AGAP1: variants seen among roughly 807,000 people sequenced by gnomAD.
AGAP1 encodes ArfGAP with GTPase domain, ankyrin repeat and PH domain 1.
A neutral mutation model predicts 105.3 loss-of-function variants in AGAP1; 29 were observed. The ratio of observed to expected loss-of-function variants is 0.28; its 90% confidence interval spans 0.21 to 0.38. The LOEUF (loss-of-function observed/expected upper bound fraction) is 0.38. AGAP1 is among the 10% of genes least tolerant of loss of function. AGAP1 has a pLI of 1.00. For synonymous variants in AGAP1, 509 were observed against 485.9 expected (o/e 1.05, Z -0.63); for missense variants, 998 against 1,165.1 (o/e 0.86, Z 2.09).
intron 9 of AGAP1, chr2:235,853,032 A>AC: frequency 8.0e-7 from 1 of 1,243,944 alleles, no homozygotes; most frequent in Non-Finnish European, 1.0e-6. Flanking sequence ...CTCACAAAAG[A>AC]CCCCTTAATT....
At position 236,090,139 on chromosome 2, in the gene AGAP1, G is replaced by A. The variant is rs549870495; in HGVS notation, c.2115-30053G>A. ...CCTGAGCCCTTCACAGAGACCGGCCGTGTCCTCACCCCTCTGTCACCATTG... is the reference window on the plus strand; with the variant it reads ...CCTGAGCCCTTCACAGAGACCGGCCATGTCCTCACCCCTCTGTCACCATTG... On this transcript the variant is annotated intron_variant, in intron 16 of 17. Coordinates refer to ENST00000304032, the MANE Select transcript of AGAP1 (RefSeq NM_001037131.3). This position sits in a 1 kb window ranked among gnomAD's most constrained non-coding sequence, Gnocchi z 4.3. Among the ~76,000 whole-genome samples, 9 of 152,276 alleles carry A rather than the reference G, an allele frequency of 5.9e-5. No individual in the cohort carries two copies. Among genetic ancestry groups the A allele is most frequent in the African/African-American group, 1.7e-4 (7 of 41,550 alleles).
At chr2:235,727,085 T>G (rs1252689517) in intron 3 of AGAP1, among the ~76,000 whole-genome samples, 2 of 152,190 alleles carry the variant, frequency 1.3e-5, no homozygotes, top group Non-Finnish European at 2.9e-5. Context: ...AGACTCTAAG[T>G]CAGTTCCATG....
rs2048644961 is a variant in AGAP1 at position 235,855,370 on chromosome 2, C to T, written c.1051-27975C>T. Among the ~76,000 whole-genome samples, 1 of 152,176 alleles carries T rather than the reference C, an allele frequency of 6.6e-6. No homozygotes were observed. The highest frequency in any genetic ancestry group is 2.4e-5 in the African/African-American group (1 of 41,438). The stretch of plus-strand genomic sequence containing the variant: ...AGATTTATTCAAAGCTAAAAGTCAA[C>T]TGAAATTCTAAGCTCTCTTTGCTAT... On this transcript the variant is annotated intron_variant, in intron 9 of 17. Transcript: ENST00000304032. The surrounding 1 kb of genome is among the most constrained non-coding windows in gnomAD (Gnocchi z 5.0).
intron 1 of AGAP1, among the ~76,000 whole-genome samples, chr2:235,604,904 G>A (rs950717222): frequency 3.3e-5 from 5 of 150,070 alleles, no homozygotes; most frequent in Non-Finnish European, 4.4e-5. Flanking sequence ...TTTTTGAGAC[G>A]GAGTCTCTCT....
At chr2:235,779,718 G>A (rs1188081107) in intron 6 of AGAP1, among the ~76,000 whole-genome samples, 3 of 152,194 alleles carry the variant, frequency 2.0e-5, no homozygotes, top group Non-Finnish European at 2.9e-5. Context: ...GCAGACTGAA[G>A]GTGAAAACCA....
At chr2:235,838,447 T>C (rs1559547344) in intron 9 of AGAP1, among the ~76,000 whole-genome samples, 1 of 152,242 alleles carries the variant, frequency 6.6e-6, no homozygotes, top group African/African-American at 2.4e-5. Context: ...TATTCCTCCT[T>C]AGAATTTTTC....
intron 1 of AGAP1, among the ~76,000 whole-genome samples, chr2:235,678,746 C>T (rs1453646400): frequency 6.6e-6 from 1 of 152,072 alleles, no homozygotes; most frequent in East Asian, 1.9e-4. Flanking sequence ...CTCCCGCCCC[C>T]ACCTTGGGAT....
chr2:235,616,756 C>G (rs974046150), intron 1 of AGAP1, among the ~76,000 whole-genome samples: 3 of 152,170 alleles, frequency 2.0e-5, no homozygotes. Flanking sequence ...TGTTTCTGTC[C>G]TGAACAGATT....
chr2:235,507,082 T>G (rs1226803970), intron 1 of AGAP1: 1 of 153,012 alleles, frequency 6.5e-6, no homozygotes, highest in Non-Finnish European at 1.5e-5. Context: ...GGGTGACTGC[T>G]CTGTAGTCGT....
chr2:235,755,234 G>C (rs1163245741), intron 6 of AGAP1, among the ~76,000 whole-genome samples: 1 of 152,176 alleles, frequency 6.6e-6, no homozygotes, highest in Non-Finnish European at 1.5e-5. Context: ...GCATGGCTCT[G>C]TTTGCCTCTT....
chr2:235,907,255 TCTC>T (rs1200216432), intron 10 of AGAP1, among the ~76,000 whole-genome samples: 1 of 152,072 alleles, frequency 6.6e-6, no homozygotes, highest in Non-Finnish European at 1.5e-5. Context: ...GCAGCCCACT[TCTC>T]CACCCTGCCT....
At chr2:235,717,707 A>G (rs1951189678) in intron 3 of AGAP1, 63 bp downstream of exon 3, 2 of 1,389,452 alleles carry the variant, frequency 1.4e-6, no homozygotes, top group Middle Eastern at 3.6e-4. Flanking sequence ...TTTCCTTAGC[A>G]TATTATAAAT....
At chr2:235,499,837 G>A (rs925132710) in intron 1 of AGAP1, among the ~76,000 whole-genome samples, 4 of 152,190 alleles carry the variant, frequency 2.6e-5, no homozygotes, top group Non-Finnish European at 5.9e-5. Context: ...GTTTATTGCT[G>A]TATCCTCAGT....
In AGAP1 at chr2:235,877,917, T is replaced by C. The variant is rs1279019528; in HGVS notation, c.1051-5428T>C. Among the ~76,000 whole-genome samples the C allele has an allele frequency of 6.6e-6, 1 of 152,196 alleles. No individual in the cohort carries two copies. The highest frequency in any genetic ancestry group is 1.5e-5 in the Non-Finnish European group (1 of 68,040). ...TTGTCCTCGCCAGGGGAATCTTTCC[T>C]AATGCAAATCAGATAACCCCTTCCT... On this transcript the variant is annotated intron_variant, in intron 9 of 17. Coordinates refer to ENST00000304032, the MANE Select transcript of AGAP1 (RefSeq NM_001037131.3). This position sits in a 1 kb window ranked among gnomAD's most constrained non-coding sequence, Gnocchi z 4.3.
intron 3 of AGAP1, among the ~76,000 whole-genome samples, chr2:235,730,197 A>G (rs905865964): frequency 7.2e-5 from 11 of 152,134 alleles, no homozygotes; most frequent in African/African-American, 1.9e-4. Context: ...TATTTAATCT[A>G]AAGTTATGTT....
rs937642575 is a variant in AGAP1 at position 235,788,421 on chromosome 2, T to A, written c.674-9338T>A. 1.3e-5 allele frequency among the ~76,000 whole-genome samples: 2 copies of A among 151,668 alleles called. No homozygotes were observed. The highest frequency in any genetic ancestry group is 2.9e-5 in the Non-Finnish European group (2 of 67,932). On this transcript the variant is annotated intron_variant, in intron 6 of 17. Coordinates refer to ENST00000304032, the MANE Select transcript of AGAP1 (RefSeq NM_001037131.3). This position sits in a 1 kb window ranked among gnomAD's most constrained non-coding sequence, Gnocchi z 6.0. ...GGTGCGGATCTTGGATGAGGTTAGC[T>A]GAGTTTGAAAACTGGAGAAGGCATG... is the stretch of plus-strand genomic sequence containing the variant.
chr2:235,832,797 A>T (rs1218438626), intron 9 of AGAP1, among the ~76,000 whole-genome samples: 1 of 152,192 alleles, frequency 6.6e-6, no homozygotes, highest in Admixed American at 6.5e-5. Context: ...CCCACAGACT[A>T]GAAGGCAGGT....
chr2:235,567,858 G>A (rs12996163), intron 1 of AGAP1, among the ~76,000 whole-genome samples: 43,919 of 151,928 alleles, frequency 0.29, 6,951 homozygotes, highest in Middle Eastern at 0.46. Flanking sequence ...AGGTGGAAAG[G>A]GGGAAGGTGA....
intron 1 of AGAP1, among the ~76,000 whole-genome samples, chr2:235,703,315 G>A (rs541525138): frequency 3.9e-5 from 6 of 152,184 alleles, no homozygotes; most frequent in African/African-American, 9.6e-5. Context: ...TGCCTCCAGC[G>A]CAGCAGTGAG....
Sources: allele counts gnomAD v4.1 joint callset (sites outside exome capture counted in the v4.1 genomes callset), GRCh38; gene constraint gnomAD v4.1.1; non-coding constraint Gnocchi (gnomAD v3.1); transcripts MANE v1.5; gene names NCBI Gene and HGNC (gene_info 2026-07-23, HGNC 2026-07-21).